Variants in TBC1D12 observed in about 807,000 individuals in gnomAD.
TBC1D12 encodes the protein TBC1 domain family member 12.
In TBC1D12, 56 loss-of-function variants were observed where a neutral mutation model predicts 86.7. The observed-to-expected ratio is 0.65, with a 90% CI of 0.52 to 0.81. The LOEUF is 0.81. TBC1D12 is among the 30% of genes least tolerant of loss of function. TBC1D12 has a pLI of 0.00. For missense variants in TBC1D12, 1,023 were observed against 1,038.8 expected (o/e 0.98, Z 0.21); for synonymous variants, 421 against 411.7 (o/e 1.02, Z -0.27).
At chr10:94,433,726 G>C (rs539032580) in intron 1 of TBC1D12, among the ~76,000 whole-genome samples, 4 of 152,256 alleles carry the variant, frequency 2.6e-5, no homozygotes, top group African/African-American at 9.6e-5. Flanking sequence ...TCCGTCTGCT[G>C]CTATGTCTGT....
intron 1 of TBC1D12, 80 bp from the exon 2 acceptor site, chr10:94,441,816 A>G: frequency 6.8e-7 from 1 of 1,462,184 alleles, no homozygotes; most frequent in Non-Finnish European, 9.3e-7. Context: ...TTGCCTTGGG[A>G]ACAAACTTAT....
intron 1 of TBC1D12, among the ~76,000 whole-genome samples, chr10:94,438,295 A>G (rs1371834903): frequency 6.6e-6 from 1 of 150,648 alleles, no homozygotes; most frequent in Non-Finnish European, 1.5e-5. Context: ...TATGTATTCC[A>G]TATTGTGTAT....
chr10:94,471,335 G>A (rs2055903271), intron 2 of TBC1D12, among the ~76,000 whole-genome samples: 1 of 150,214 alleles, frequency 6.7e-6, no homozygotes, highest in Non-Finnish European at 1.5e-5. Flanking sequence ...TATTCTAGCT[G>A]CTTCATTTTG....
chr10:94,459,388 A>C (rs1041104091), intron 2 of TBC1D12, among the ~76,000 whole-genome samples: 1 of 152,210 alleles, frequency 6.6e-6, no homozygotes, highest in African/African-American at 2.4e-5. Context: ...TAGACATAAA[A>C]GTTCTCCAAG....
intron 1 of TBC1D12, among the ~76,000 whole-genome samples, chr10:94,416,054 C>G (rs943232628): frequency 6.6e-6 from 1 of 152,156 alleles, no homozygotes; most frequent in Non-Finnish European, 1.5e-5. Context: ...CACAACACCA[C>G]TGGAACATAA....
chr10:94,499,545 C>T (rs369100273), intron 5 of TBC1D12, among the ~76,000 whole-genome samples: 19 of 152,256 alleles, frequency 1.2e-4, no homozygotes, highest in Middle Eastern at 6.8e-3. Flanking sequence ...TCTTCCCTCT[C>T]GACTGGAGGG....
At chr10:94,511,686 A>C (rs376690806) in intron 9 of TBC1D12, 32 bp downstream of exon 9, 102 of 1,471,204 alleles carry the variant, frequency 6.9e-5, no homozygotes, top group Non-Finnish European at 9.5e-5. Context: ...TTTTTTGAAT[A>C]TAAGCATTTT....
chr10:94,413,876 G>A (rs1164912004), intron 1 of TBC1D12, among the ~76,000 whole-genome samples: 1 of 151,828 alleles, frequency 6.6e-6, no homozygotes, highest in Non-Finnish European at 1.5e-5. Context: ...ATCAAATTAT[G>A]TGCTGTTTTC....
At chr10:94,482,984 TC>T (rs1339786566) in intron 3 of TBC1D12, among the ~76,000 whole-genome samples, 2 of 151,950 alleles carry the variant, frequency 1.3e-5, no homozygotes, top group Non-Finnish European at 2.9e-5. Flanking sequence ...AGGCTCTCAT[TC>T]CTTTTTGTGG....
intron 9 of TBC1D12, among the ~76,000 whole-genome samples, chr10:94,515,778 A>G (rs1315071020): frequency 6.6e-6 from 1 of 152,244 alleles, no homozygotes; most frequent in Admixed American, 6.5e-5. Flanking sequence ...AACAGCAATA[A>G]CTAATAATAA....
At position 94,456,864 on chromosome 10, in the gene TBC1D12, A is replaced by G. The variant is rs72814668; in HGVS notation, c.1095+14845A>G. ...GACCACTCTGTTTTTAGTTGCATAT[A>G]TGATAAGGATTTTTGTGTCTTCTTG... On this transcript the variant is annotated intron_variant, in intron 2 of 12. Coordinates refer to ENST00000225235, the MANE Select transcript of TBC1D12 (RefSeq NM_015188.2). Among the ~76,000 whole-genome samples the G allele has an allele frequency of 4.6e-3, 707 of 152,296 alleles. 1 individual carries two copies. Among genetic ancestry groups the G allele is most frequent in the Non-Finnish European group, 8.4e-3 (570 of 68,024 alleles).
At chr10:94,514,939 A>C in intron 9 of TBC1D12, among the ~76,000 whole-genome samples, 2 of 117,292 alleles carry the variant, frequency 1.7e-5, no homozygotes, top group Admixed American at 1.1e-4. Flanking sequence ...ACGGAGTCTC[A>C]CTCTGTCGCC....
intron 1 of TBC1D12, among the ~76,000 whole-genome samples, chr10:94,408,436 T>A (rs1020894648): frequency 2.0e-5 from 3 of 152,292 alleles, no homozygotes; most frequent in Non-Finnish European, 4.4e-5. Context: ...AAAGGCTCTT[T>A]TAGTGATTTC....
At position 94,505,617 on chromosome 10, in the gene TBC1D12, T is replaced by A. The variant is rs577992967; in HGVS notation, c.1520-1650T>A. Among the ~76,000 whole-genome samples the A allele has an allele frequency of 2.6e-5, 4 of 152,180 alleles. No individual in the cohort carries two copies. In the South Asian group the frequency reaches 6.2e-4, roughly 24 times the overall value. ...AATAGGAATTCTAAGTTTTTTTTTT[T>A]AATTTCTTCTTTCCAAACCATTAGT... On this transcript the variant is annotated intron_variant, in intron 6 of 12. Coordinates refer to ENST00000225235, the MANE Select transcript of TBC1D12 (RefSeq NM_015188.2).
At chr10:94,485,021 A>G (rs2056138941) in intron 3 of TBC1D12, among the ~76,000 whole-genome samples, 1 of 152,174 alleles carries the variant, frequency 6.6e-6, no homozygotes, top group South Asian at 2.1e-4. Context: ...GACTTTTGCA[A>G]ATATAAGATT....
At chr10:94,516,774 C>T (rs1325831787) in intron 9 of TBC1D12, among the ~76,000 whole-genome samples, 1 of 152,016 alleles carries the variant, frequency 6.6e-6, no homozygotes, top group African/African-American at 2.4e-5. Context: ...AGACTGTTAA[C>T]TACTTGAGAT....
chr10:94,481,759 G>T (rs1321109522), intron 3 of TBC1D12, among the ~76,000 whole-genome samples: 1 of 150,010 alleles, frequency 6.7e-6, no homozygotes, highest in African/African-American at 2.4e-5. Context: ...TGCCTAACTG[G>T]CTGAAGAGGC....
intron 2 of TBC1D12, among the ~76,000 whole-genome samples, chr10:94,458,742 T>C (rs988969866): frequency 6.6e-6 from 1 of 152,126 alleles, no homozygotes; most frequent in Non-Finnish European, 1.5e-5. Context: ...GTGTTATAGC[T>C]CTTAAAGGTG....
At chr10:94,523,423 T>C (rs1326747468) in intron 11 of TBC1D12, among the ~76,000 whole-genome samples, 1 of 152,158 alleles carries the variant, frequency 6.6e-6, no homozygotes, top group Non-Finnish European at 1.5e-5. Context: ...ATGATAGTTA[T>C]AATAGTGTTT....
Sources: gnomAD v4.1 joint callset for allele counts (sites outside exome capture counted in the v4.1 genomes callset) on GRCh38, gnomAD v4.1.1 for gene constraint, MANE v1.5 for transcripts, NCBI Gene and HGNC (gene_info 2026-07-23, HGNC 2026-07-21) for gene names.